CR1L: variants seen among roughly 807,000 people sequenced by gnomAD.
CR1L encodes complement C3b/C4b receptor 1 like, also known as complement component receptor 1-like protein.
Under a neutral mutation model 62.3 loss-of-function variants are expected in CR1L, and 59 were observed. The observed-to-expected ratio is 0.95, with a 90% CI of 0.77 to 1.18. The LOEUF (loss-of-function observed/expected upper bound fraction) is 1.18, where lower values mean the gene tolerates loss of function less well. Among genes scored for constraint, CR1L ranks in the 50% most tolerant of loss-of-function variants. CR1L has a pLI of 0.00. For synonymous variants in CR1L, 279 were observed against 248.7 expected (o/e 1.12, Z -1.15); for missense variants, 700 against 702.8 (o/e 1.00, Z 0.04).
rs867699293 is a variant in CR1L, at chr1:207,701,406, G to A, written c.1229-113G>A. On this transcript the variant is annotated intron_variant, in intron 8 of 11. Transcript: ENST00000508064. ...TTTTCTCAAGGTGCCAAAATCTGTG[G>A]AACTATCAGAACTGCGTGTTTTCTT... The A allele has an allele frequency of 2.9e-6, 4 of 1,373,660 alleles. No individual in the cohort carries two copies. The Middle Eastern group carries it at 7.4e-4, about 254-fold the overall frequency. The allele number at this position is 1,373,660 out of a possible 1,614,324, so 85.1% of individuals were successfully genotyped here.
intron 10 of CR1L, among the ~76,000 whole-genome samples, chr1:207,709,652 C>T (rs1266736146): frequency 6.6e-6 from 1 of 152,064 alleles, no homozygotes; most frequent in Non-Finnish European, 1.5e-5. Flanking sequence ...GCCTGGCCAA[C>T]ATGGTGCTAC....
chr1:207,687,728 A>G (rs1663934256), intron 4 of CR1L, among the ~76,000 whole-genome samples: 1 of 152,060 alleles, frequency 6.6e-6, no homozygotes, highest in Non-Finnish European at 1.5e-5. Flanking sequence ...ACCTTTTCAT[A>G]TGTTTGTGAA....
intron 1 of CR1L, among the ~76,000 whole-genome samples, chr1:207,668,964 G>A (rs1274869906): frequency 6.6e-6 from 1 of 151,044 alleles, no homozygotes; most frequent in Admixed American, 6.6e-5. Context: ...TTCACGATAA[G>A]GAAATTGGTT....
At chr1:207,709,604 A>G (rs987209640) in intron 10 of CR1L, among the ~76,000 whole-genome samples, 1 of 152,190 alleles carries the variant, frequency 6.6e-6, no homozygotes, top group South Asian at 2.1e-4. Context: ...GGGAGGCCCA[A>G]GGTAGGTGGA....
At chr1:207,697,996 A>ACACACAC in intron 7 of CR1L, 123 bp downstream of exon 7, 1 of 1,417,362 alleles carries the variant, frequency 7.1e-7, no homozygotes, top group Non-Finnish European at 9.6e-7. Flanking sequence ...ACACACACAC[A>ACACACAC]ATCAGAGAGA....
intron 3 of CR1L, among the ~76,000 whole-genome samples, chr1:207,682,980 C>CTTTT (rs1421275492): frequency 5.6e-5 from 8 of 142,686 alleles, no homozygotes; most frequent in Non-Finnish European, 7.8e-5. Context: ...TTCTTTCTTT[C>CTTTT]TTTCTTTCTT....
intron 1 of CR1L, chr1:207,669,455 C>A: frequency 6.9e-7 from 1 of 1,450,030 alleles, no homozygotes; most frequent in South Asian, 1.1e-5. Flanking sequence ...ATGGGGGTCT[C>A]TTCTCCGAGA....
chr1:207,664,676 A>T (rs1474594762), intron 1 of CR1L, among the ~76,000 whole-genome samples: 1 of 152,206 alleles, frequency 6.6e-6, no homozygotes, highest in Non-Finnish European at 1.5e-5. Flanking sequence ...TTTATAAAAC[A>T]CTGATCTAGC....
chr1:207,670,367 A>T (rs1192350289), intron 1 of CR1L, among the ~76,000 whole-genome samples: 1 of 151,262 alleles, frequency 6.6e-6, no homozygotes, highest in Admixed American at 6.6e-5. Flanking sequence ...TTTGCATTTT[A>T]GTGATGTGTT....
chr1:207,712,556 G>A (rs1172396738), intron 10 of CR1L, among the ~76,000 whole-genome samples: 1 of 152,162 alleles, frequency 6.6e-6, no homozygotes, highest in Non-Finnish European at 1.5e-5. Context: ...AATCCTGCAT[G>A]GTGAGCATAC....
chr1:207,653,507 A>G (rs895858971), intron 1 of CR1L, among the ~76,000 whole-genome samples: 2 of 152,240 alleles, frequency 1.3e-5, no homozygotes, highest in Non-Finnish European at 2.9e-5. Context: ...GAGTTAAAGT[A>G]GGGCTCACAG....
chr1:207,686,769 T>C (rs1289168676), intron 4 of CR1L, among the ~76,000 whole-genome samples: 5 of 152,310 alleles, frequency 3.3e-5, no homozygotes, highest in East Asian at 1.9e-4. Flanking sequence ...CAAATCCATA[T>C]GTTGAAATCT....
chr1:207,647,490 C>T (rs1663144960), intron 1 of CR1L, among the ~76,000 whole-genome samples: 2 of 152,196 alleles, frequency 1.3e-5, no homozygotes, highest in Admixed American at 1.3e-4. Context: ...CTTTTCTGTT[C>T]TCTGTCTCTC....
At chr1:207,716,493 AT>A (rs148324780) in intron 10 of CR1L, among the ~76,000 whole-genome samples, 3 of 152,110 alleles carry the variant, frequency 2.0e-5, no homozygotes, top group Non-Finnish European at 2.9e-5. Context: ...GCAAGGCATG[AT>A]TTTTTTAAAC....
At chr1:207,691,072 C>T (rs563512149) in intron 4 of CR1L, among the ~76,000 whole-genome samples, 1 of 152,312 alleles carries the variant, frequency 6.6e-6, no homozygotes, top group East Asian at 1.9e-4. Flanking sequence ...ATTACAATCC[C>T]CAACTATGAC....
intron 1 of CR1L, chr1:207,658,490 G>A (rs1663354464): frequency 6.6e-6 from 1 of 152,268 alleles, no homozygotes; most frequent in South Asian, 2.1e-4. Flanking sequence ...TCCTGCAGCT[G>A]GCAGGGGCAG....
At chr1:207,671,530 A>G (rs534479338) in intron 1 of CR1L, among the ~76,000 whole-genome samples, 1 of 151,146 alleles carries the variant, frequency 6.6e-6, no homozygotes, top group South Asian at 2.1e-4. Context: ...CTGCAAATAG[A>G]TATTGCAAAC....
intron 4 of CR1L, among the ~76,000 whole-genome samples, chr1:207,690,213 C>G (rs1041456370): frequency 6.6e-6 from 1 of 151,958 alleles, no homozygotes; most frequent in Admixed American, 6.6e-5. Context: ...CTTTATTTTT[C>G]TAATATATAC....
chr1:207,695,414 G>A (rs1484638416), intron 5 of CR1L, among the ~76,000 whole-genome samples: 3 of 152,190 alleles, frequency 2.0e-5, no homozygotes, highest in Non-Finnish European at 4.4e-5. Flanking sequence ...ATAGGCATGA[G>A]CCACTGTGCC....
Sources: allele counts gnomAD v4.1 joint callset (sites outside exome capture counted in the v4.1 genomes callset), GRCh38; gene constraint gnomAD v4.1.1; transcripts MANE v1.5; gene names NCBI Gene and HGNC (gene_info 2026-07-23, HGNC 2026-07-21).